The following GADL1 variants were observed in gnomAD, a reference collection of about 807,000 sequenced individuals.
The protein encoded by GADL1 is acidic amino acid decarboxylase GADL1.
A neutral mutation model predicts 69.5 loss-of-function variants in GADL1; 71 were observed. The ratio of observed to expected loss-of-function variants is 1.02; its 90% CI spans 0.84 to 1.25. The LOEUF (loss-of-function observed/expected upper bound fraction) is 1.25, where lower values mean the gene tolerates loss of function less well. Among genes scored for constraint, GADL1 ranks in the 50% most tolerant of loss-of-function variants. The pLI, the probability that GADL1 is intolerant of heterozygous loss-of-function variation, is 0.00. For missense variants in GADL1, 737 were observed against 631.8 expected (o/e 1.17, Z -1.79); for synonymous variants, 254 against 214.4 (o/e 1.18, Z -1.62).
At chr3:30,752,591 TTC>T (rs768260914) in intron 14 of GADL1, among the ~76,000 whole-genome samples, 49 of 152,316 alleles carry the variant, frequency 3.2e-4, no homozygotes, top group African/African-American at 2.2e-4. Flanking sequence ...GCGAGTGTTT[TTC>T]TCTGTCCTTT....
intron 14 of GADL1, among the ~76,000 whole-genome samples, chr3:30,733,291 G>T (rs1020598324): frequency 2.6e-5 from 4 of 152,114 alleles, no homozygotes; most frequent in African/African-American, 9.7e-5. Context: ...ATTGCAGACT[G>T]GTGACACAGA....
chr3:30,818,723 C>G (rs1697518839), intron 11 of GADL1, among the ~76,000 whole-genome samples: 1 of 151,934 alleles, frequency 6.6e-6, no homozygotes, highest in Non-Finnish European at 1.5e-5. Flanking sequence ...TTAACTGAGC[C>G]TCCTGTGTTT....
intron 14 of GADL1, among the ~76,000 whole-genome samples, chr3:30,774,398 T>C (rs924906516): frequency 6.6e-6 from 1 of 152,206 alleles, no homozygotes; most frequent in African/African-American, 2.4e-5. Context: ...TTTTTAATAG[T>C]TTTCTACTAC....
intron 12 of GADL1, among the ~76,000 whole-genome samples, chr3:30,789,613 G>A (rs940296710): frequency 2.0e-5 from 3 of 152,174 alleles, no homozygotes; most frequent in Non-Finnish European, 4.4e-5. Flanking sequence ...ATATAAGACT[G>A]ATTTGCCTAC....
intron 11 of GADL1, among the ~76,000 whole-genome samples, chr3:30,827,801 G>A (rs557725236): frequency 5.3e-5 from 8 of 151,812 alleles, no homozygotes; most frequent in Non-Finnish European, 1.0e-4. Flanking sequence ...TTGCCAAAAG[G>A]TCTGGGAAGA....
At chr3:30,821,280 GTAAC>G (rs1312855518) in intron 11 of GADL1, among the ~76,000 whole-genome samples, 4 of 152,002 alleles carry the variant, frequency 2.6e-5, no homozygotes, top group Non-Finnish European at 5.9e-5. Context: ...GTATACATAT[GTAAC>G]TAACCTGCAC....
At chr3:30,832,394 C>A (rs1158738095) in intron 11 of GADL1, among the ~76,000 whole-genome samples, 1 of 149,594 alleles carries the variant, frequency 6.7e-6, no homozygotes, top group African/African-American at 2.5e-5. Flanking sequence ...ATTTAAATTG[C>A]CTCAAGTACA....
intron 12 of GADL1, among the ~76,000 whole-genome samples, chr3:30,788,674 A>G (rs1559500163): frequency 6.6e-6 from 1 of 152,228 alleles, no homozygotes; most frequent in Admixed American, 6.5e-5. Context: ...AAATTAGTCA[A>G]TCCTTTCAAA....
At chr3:30,738,689 T>A (rs945557380) in intron 14 of GADL1, among the ~76,000 whole-genome samples, 1 of 152,206 alleles carries the variant, frequency 6.6e-6, no homozygotes, top group Admixed American at 6.5e-5. Flanking sequence ...CCAATATTTC[T>A]GAATATTGTG....
At chr3:30,766,740 C>A (rs191855750) in intron 14 of GADL1, among the ~76,000 whole-genome samples, 32 of 151,622 alleles carry the variant, frequency 2.1e-4, no homozygotes, top group Non-Finnish European at 3.7e-4. Context: ...GCTCAGTCAG[C>A]TAGACTGCAG....
chr3:30,838,825 G>A (rs1258747724), intron 9 of GADL1, among the ~76,000 whole-genome samples, 172 bp downstream of exon 9: 1 of 152,082 alleles, frequency 6.6e-6, no homozygotes, highest in African/African-American at 2.4e-5. Context: ...CAAAGTCGTG[G>A]AATCTTCTCA....
At chr3:30,758,849 G>A (rs915019050) in intron 14 of GADL1, among the ~76,000 whole-genome samples, 9 of 152,150 alleles carry the variant, frequency 5.9e-5, no homozygotes, top group African/African-American at 1.2e-4. Flanking sequence ...TACAAGTGTC[G>A]CCCTTTTGAT....
chr3:30,811,124 C>T (rs1458768104), intron 11 of GADL1, among the ~76,000 whole-genome samples: 1 of 152,140 alleles, frequency 6.6e-6, no homozygotes, highest in Non-Finnish European at 1.5e-5. Flanking sequence ...TAGGGATTTT[C>T]AGAGAACTGC....
intron 12 of GADL1, among the ~76,000 whole-genome samples, chr3:30,792,608 G>T (rs1482999436): frequency 6.6e-6 from 1 of 152,028 alleles, no homozygotes; most frequent in Non-Finnish European, 1.5e-5. Context: ...AATTCATAAG[G>T]CCATTTGTCA....
intron 14 of GADL1, among the ~76,000 whole-genome samples, chr3:30,770,598 T>G (rs1173906991): frequency 2.0e-5 from 3 of 151,776 alleles, no homozygotes; most frequent in Non-Finnish European, 4.4e-5. Context: ...TGTTTACTGT[T>G]AGCTGTGGGT....
At chr3:30,760,098 A>G (rs546437564) in intron 14 of GADL1, among the ~76,000 whole-genome samples, 4 of 152,330 alleles carry the variant, frequency 2.6e-5, no homozygotes, top group Admixed American at 6.5e-5. Context: ...AGTATTGTCA[A>G]TAAGTCATGT....
chr3:30,810,035 G>C (rs1365414186), intron 11 of GADL1, among the ~76,000 whole-genome samples: 1 of 152,148 alleles, frequency 6.6e-6, no homozygotes, highest in African/African-American at 2.4e-5. Context: ...TTGAATTTCT[G>C]TTCTGGTGAA....
intron 1 of GADL1, among the ~76,000 whole-genome samples, chr3:30,880,221 TATC>T (rs555270461): frequency 1.2e-3 from 175 of 152,076 alleles, no homozygotes; most frequent in African/African-American, 4.1e-3. Flanking sequence ...AATATTTACA[TATC>T]ATTTACATTG....
chr3:30,760,938 G>C (rs925832108), intron 14 of GADL1, among the ~76,000 whole-genome samples: 4 of 151,714 alleles, frequency 2.6e-5, no homozygotes, highest in Non-Finnish European at 5.9e-5. Context: ...ATTAAAGGCT[G>C]ATGTCCTGTG....
Sources: allele counts gnomAD v4.1 joint callset (sites outside exome capture counted in the v4.1 genomes callset), GRCh38; gene constraint gnomAD v4.1.1; transcripts MANE v1.5; gene names NCBI Gene and HGNC (gene_info 2026-07-23, HGNC 2026-07-21).